The following DNAH17 variants were observed in gnomAD, a reference collection of about 807,000 sequenced individuals.
The protein encoded by DNAH17 is axonemal beta dynein heavy chain 17.
A neutral mutation model predicts 485.6 loss-of-function variants in DNAH17; 376 were observed. The observed-to-expected ratio is 0.77, with a 90% CI of 0.71 to 0.84. DNAH17 has a LOEUF of 0.84. Among genes scored for constraint, DNAH17 ranks in the 40% least tolerant of loss-of-function variants. DNAH17 has a pLI of 0.00. For missense variants in DNAH17, 6,370 were observed against 5,839.3 expected (o/e 1.09, Z -2.96); for synonymous variants, 3,031 against 2,405.9 (o/e 1.26, Z -7.60).
rs777570291 is a variant in DNAH17, at chr17:78,459,997, T to G, written c.9440A>C (p.Asn3147Thr). Residue 3147 changes from asparagine (N) to threonine (T), a missense_variant, in exon 60 of 81, where the codon AAC becomes ACC. Coordinates refer to ENST00000389840, the MANE Select transcript of DNAH17 (RefSeq NM_173628.4). ...CCCAAAGGACTTCAGCTCTGTCAGG[T>G]TGTTCTGCAAATGACAGACGGGATG... ...QEALDTLNKNNLTELKSFGSP... is the reference protein window; with the variant it reads ...QEALDTLNKNTLTELKSFGSP... 6.2e-7 allele frequency: 1 copy of G among 1,612,610 alleles called. No individual in the cohort carries two copies. The highest frequency in any genetic ancestry group is 8.5e-7 in the Non-Finnish European group (1 of 1,179,864).
At chr17:78,450,622 G>A (rs757903467) in intron 67 of DNAH17, 60 bp downstream of exon 67, 247 of 1,558,346 alleles carry the variant, frequency 1.6e-4, no homozygotes, top group Non-Finnish European at 1.5e-4. Context: ...GGCGCCGATC[G>A]CCCGTGGCCC....
chr17:78,500,496 G>C, intron 35 of DNAH17, 35 bp from the exon 36 acceptor site: 2 of 1,522,098 alleles, frequency 1.3e-6, no homozygotes, highest in Non-Finnish European at 1.8e-6. Context: ...GTGTGCCAGC[G>C]ACCCCATGGC....
chr17:78,536,823 G>C (rs2091387022), intron 19 of DNAH17, among the ~76,000 whole-genome samples: 2 of 152,092 alleles, frequency 1.3e-5, no homozygotes, highest in Admixed American at 1.3e-4. Flanking sequence ...AAGGACGACA[G>C]ATGTGGGAGT....
chr17:78,575,176 G>A (rs1023826834), intron 1 of DNAH17, 94 bp from the exon 2 acceptor site: 30 of 883,774 alleles, frequency 3.4e-5, no homozygotes, highest in African/African-American at 1.7e-4. Flanking sequence ...TGTTTCTACC[G>A]GAGCAGGAAC....
intron 25 of DNAH17, among the ~76,000 whole-genome samples, chr17:78,517,368 A>T (rs961598089): frequency 2.6e-5 from 4 of 152,264 alleles, no homozygotes; most frequent in African/African-American, 9.6e-5. Flanking sequence ...TTCATTCAAA[A>T]AAGTAAAAGA....
intron 15 of DNAH17, 92 bp downstream of exon 15, chr17:78,552,605 G>A: frequency 1.2e-6 from 1 of 845,246 alleles, no homozygotes; most frequent in Non-Finnish European, 2.0e-6. Context: ...CCAGGAGGCA[G>A]AAGTGACCAC....
chr17:78,449,934 C>A (rs1007842870), intron 68 of DNAH17: 6 of 462,054 alleles, frequency 1.3e-5, no homozygotes, highest in Non-Finnish European at 2.4e-5. Flanking sequence ...CCTCGGCCCC[C>A]CATAGTGCTG....
At position 78,538,556 on chromosome 17, in the gene DNAH17, T is replaced by C. The variant is rs146226412; in HGVS notation, c.2677-1075A>G. On this transcript the variant is annotated intron_variant, in intron 18 of 80. Coordinates refer to ENST00000389840, the MANE Select transcript of DNAH17 (RefSeq NM_173628.4). The stretch of plus-strand genomic sequence containing the variant: ...TATCAGTATCTGAGTGAGGTGCTAA[T>C]TGGGACAAACGGTCAATTGTGTGAC... Among the ~76,000 whole-genome samples, 41 of 152,280 alleles carry C rather than the reference T, an allele frequency of 2.7e-4. 1 individual carries two copies. The South Asian group carries it at 5.8e-3, about 22-fold the overall frequency.
rs777661578 is a variant in DNAH17 at position 78,491,557 on chromosome 17, G to A, written c.6555C>T (p.Thr2185=). 9 of 1,613,866 alleles carry A rather than the reference G, an allele frequency of 5.6e-6. No homozygotes were observed. Among genetic ancestry groups the A allele is most frequent in the Non-Finnish European group, 6.8e-6 (8 of 1,179,926 alleles). The change falls in exon 43 of 81, where the codon ACC becomes ACT. Residue 2185 remains threonine, a synonymous_variant. Transcript: ENST00000389840. ...TREWKDGLFS[T]IMRDLANITH... is the part of the protein sequence containing the mutation. ...TGATGTTGGCCAGGTCTCGCATGAT[G>A]GTGGAGAACAGGCCTGGGGGAGGCG...
chr17:78,478,274 CCATCACCAT>C, intron 51 of DNAH17, among the ~76,000 whole-genome samples: 1 of 144,606 alleles, frequency 6.9e-6, no homozygotes, highest in African/African-American at 2.5e-5. Flanking sequence ...ATCTCCACCA[CCATCACCAT>C]TATCATCTCC....
chr17:78,462,715 CGTGCTCATCTTACTTTAGGCA>C (rs2088198008), intron 57 of DNAH17, 108 bp downstream of exon 57: 3 of 820,840 alleles, frequency 3.7e-6, no homozygotes, highest in Non-Finnish European at 1.9e-6. Flanking sequence ...AGGCAGGAAG[CGTGCTCATCTTACTTTAGGCA>C]GTGCTGAGCC....
intron 56 of DNAH17, among the ~76,000 whole-genome samples, chr17:78,466,050 G>C (rs1023230729): frequency 1.3e-5 from 2 of 152,218 alleles, no homozygotes; most frequent in Admixed American, 1.3e-4. Context: ...GTAGAAAGAA[G>C]TAGACATGGG....
At chr17:78,547,133 T>G (rs1289894894) in intron 16 of DNAH17, among the ~76,000 whole-genome samples, 1 of 152,234 alleles carries the variant, frequency 6.6e-6, no homozygotes, top group East Asian at 1.9e-4. Flanking sequence ...TACTTACCTC[T>G]TTATATTTAA....
chr17:78,425,254 C>T (rs2086389064), intron 80 of DNAH17, 92 bp downstream of exon 80: 2 of 1,309,588 alleles, frequency 1.5e-6, no homozygotes, highest in South Asian at 1.3e-5. Context: ...AGCTCTTGAA[C>T]AGCCTGTCTT....
chr17:78,503,421 A>AGG (rs1434642642), intron 31 of DNAH17, among the ~76,000 whole-genome samples: 1 of 148,196 alleles, frequency 6.7e-6, no homozygotes. Flanking sequence ...TCCTGACCTC[A>AGG]TGATCCGCCC....
intron 51 of DNAH17, among the ~76,000 whole-genome samples, chr17:78,478,481 A>G (rs556458317): frequency 2.5e-3 from 367 of 145,762 alleles, no homozygotes; most frequent in Non-Finnish European, 4.2e-3. Flanking sequence ...CATCACCACC[A>G]TCACTATCAC....
intron 48 of DNAH17, among the ~76,000 whole-genome samples, chr17:78,481,922 G>A (rs113308287): frequency 1.3e-5 from 2 of 151,854 alleles, no homozygotes; most frequent in South Asian, 2.1e-4. Flanking sequence ...GGCTGAGGCA[G>A]GAGAATTGCT....
chr17:78,546,308 A>G (rs575424478), intron 16 of DNAH17, among the ~76,000 whole-genome samples: 9 of 152,348 alleles, frequency 5.9e-5, no homozygotes, highest in African/African-American at 2.2e-4. Context: ...CAATCATTTT[A>G]TCTTCAACCT....
rs767088164 is a variant in DNAH17, at chr17:78,485,016, G to A, written c.7501C>T (p.Leu2501=). Reference sequence around the variant, plus strand: ...TAGTTCCTCCCCGATTTCTTCTCCAGCGGCTTCTCCAGCACCCCTAGAGAG... The same window carrying A: ...TAGTTCCTCCCCGATTTCTTCTCCAACGGCTTCTCCAGCACCCCTAGAGAG... ...AMLQGVLEKP[L]EKKSGRNYGP... is the part of the protein sequence containing the mutation. Residue 2501 remains leucine, a synonymous_variant, in exon 48 of 81, where the codon CTG becomes TTG. Transcript: ENST00000389840. The A allele has an allele frequency of 1.2e-6, 2 of 1,611,580 alleles. No homozygotes were observed. The highest frequency in any genetic ancestry group is 4.5e-5 in the East Asian group (2 of 44,844).
Sources: allele counts gnomAD v4.1 joint callset (sites outside exome capture counted in the v4.1 genomes callset), GRCh38; gene constraint gnomAD v4.1.1; transcripts MANE v1.5; gene names NCBI Gene and HGNC (gene_info 2026-07-23, HGNC 2026-07-21).